TNFSF4: variants seen among roughly 807,000 people sequenced by gnomAD.
TNFSF4 encodes the protein TNF superfamily member 4.
A neutral mutation model predicts 7.3 loss-of-function variants in TNFSF4; 4 were observed. The observed-to-expected ratio is 0.55, with a 90% CI of 0.27 to 1.25. The LOEUF (loss-of-function observed/expected upper bound fraction) is 1.25. Among genes scored for constraint, TNFSF4 ranks in the 50% most tolerant of loss-of-function variants. The pLI is 0.12. For missense variants in TNFSF4, 181 were observed against 208.8 expected (o/e 0.87, Z 0.82); for synonymous variants, 76 against 83.7 (o/e 0.91, Z 0.50).
intron 1 of TNFSF4, among the ~76,000 whole-genome samples, chr1:173,191,499 G>A (rs1442942682): frequency 6.6e-6 from 1 of 152,148 alleles, no homozygotes; most frequent in African/African-American, 2.4e-5. Flanking sequence ...GACTACCCCA[G>A]TGCCCAGAGA....
chr1:173,434,316 T>G, the TNFSF4 span, among the ~76,000 whole-genome samples: 1 of 152,252 alleles, frequency 6.6e-6, no homozygotes, highest in African/African-American at 2.4e-5. Flanking sequence ...AGGTGCTTTT[T>G]TGTCCCTATT....
the TNFSF4 span, among the ~76,000 whole-genome samples, chr1:173,381,875 A>G: frequency 1.3e-5 from 2 of 152,170 alleles, 1 homozygote; most frequent in South Asian, 4.1e-4. Flanking sequence ...TTGTAAATGC[A>G]CCAAGCAGCA....
chr1:173,437,059 G>A, the TNFSF4 span, among the ~76,000 whole-genome samples: 2 of 152,280 alleles, frequency 1.3e-5, no homozygotes, highest in South Asian at 4.2e-4. Context: ...AGGCTCAGGT[G>A]AGCATCACTG....
At chr1:173,395,022 A>AGAT in the TNFSF4 span, among the ~76,000 whole-genome samples, 27 of 129,018 alleles carry the variant, frequency 2.1e-4, no homozygotes, top group African/African-American at 3.1e-4. Flanking sequence ...ATAGATAGAT[A>AGAT]GATAGATAGA....
the TNFSF4 span, among the ~76,000 whole-genome samples, chr1:173,259,015 T>A: frequency 6.6e-6 from 1 of 152,028 alleles, no homozygotes; most frequent in African/African-American, 2.4e-5. Context: ...ATTAAGCAGG[T>A]CCCCGATCCT....
At chr1:173,183,148 G>A (rs537099528), downstream of TNFSF4, among the ~76,000 whole-genome samples, 2 of 152,310 alleles carry the variant, frequency 1.3e-5, no homozygotes, top group East Asian at 3.9e-4. Context: ...AAAGAATAGG[G>A]CTGAGAGTAG....
chr1:173,395,302 T>C, the TNFSF4 span, among the ~76,000 whole-genome samples: 454 of 144,950 alleles, frequency 3.1e-3, 7 homozygotes, highest in African/African-American at 0.011. Context: ...GCAATAGAGA[T>C]ACACAAAATA....
At chr1:173,254,068 A>G in the TNFSF4 span, among the ~76,000 whole-genome samples, 1 of 152,220 alleles carries the variant, frequency 6.6e-6, no homozygotes, top group Non-Finnish European at 1.5e-5. Flanking sequence ...AAGGGGAGCA[A>G]TTTGAACAAA....
the TNFSF4 span, among the ~76,000 whole-genome samples, chr1:173,305,185 C>T: frequency 3.3e-5 from 5 of 151,800 alleles, no homozygotes; most frequent in Non-Finnish European, 7.4e-5. Context: ...TGAAACATGC[C>T]AAAAGGGCAT....
chr1:173,441,126 C>A, the TNFSF4 span, among the ~76,000 whole-genome samples: 1 of 152,184 alleles, frequency 6.6e-6, no homozygotes, highest in Non-Finnish European at 1.5e-5. Flanking sequence ...CAGTTCAACT[C>A]CAACCACCAC....
At chr1:173,226,597 T>C in the TNFSF4 span, among the ~76,000 whole-genome samples, 1 of 152,310 alleles carries the variant, frequency 6.6e-6, no homozygotes, top group Non-Finnish European at 1.5e-5. Context: ...CCTTAGCTTT[T>C]CCCATAATTA....
chr1:173,333,772 G>C, the TNFSF4 span, among the ~76,000 whole-genome samples: 1 of 152,146 alleles, frequency 6.6e-6, no homozygotes, highest in African/African-American at 2.4e-5. Context: ...ACAGTCTATG[G>C]TATTTTGTTA....
chr1:173,418,252 T>C, the TNFSF4 span: 1 of 152,250 alleles, frequency 6.6e-6, no homozygotes, highest in Non-Finnish European at 1.5e-5. Flanking sequence ...CCAATGGATC[T>C]ATGAATGAAC....
At chr1:173,379,117 G>C in the TNFSF4 span, among the ~76,000 whole-genome samples, 8 of 152,136 alleles carry the variant, frequency 5.3e-5, no homozygotes, top group African/African-American at 1.9e-4. Flanking sequence ...GGCCTTTAAT[G>C]AAAAGAATGC....
At chr1:173,199,434 A>G (rs930126880) in intron 1 of TNFSF4, among the ~76,000 whole-genome samples, 1 of 152,186 alleles carries the variant, frequency 6.6e-6, no homozygotes, top group African/African-American at 2.4e-5. Flanking sequence ...GTGTCCTTGA[A>G]GAGAAGGAGA....
At chr1:173,295,571 A>G in the TNFSF4 span, among the ~76,000 whole-genome samples, 1 of 152,020 alleles carries the variant, frequency 6.6e-6, no homozygotes, top group Admixed American at 6.6e-5. Flanking sequence ...AAATTGTGTA[A>G]GCAGAACCAA....
the TNFSF4 span, among the ~76,000 whole-genome samples, chr1:173,295,585 A>G: frequency 6.6e-6 from 1 of 151,964 alleles, no homozygotes; most frequent in Non-Finnish European, 1.5e-5. Context: ...GAACCAATTG[A>G]GATGCCTGTG....
chr1:173,386,539 C>T, the TNFSF4 span, among the ~76,000 whole-genome samples: 32 of 152,274 alleles, frequency 2.1e-4, 1 homozygote, highest in African/African-American at 7.7e-4. Context: ...GGGAGTGGGG[C>T]CACAGCAGAC....
the TNFSF4 span, among the ~76,000 whole-genome samples, chr1:173,345,627 A>T: frequency 6.6e-6 from 1 of 152,236 alleles, no homozygotes; most frequent in African/African-American, 2.4e-5. Flanking sequence ...ATCTGATCAG[A>T]TAGCAAGGGT....
Sources: gnomAD v4.1 joint callset for allele counts (sites outside exome capture counted in the v4.1 genomes callset) on GRCh38, gnomAD v4.1.1 for gene constraint, MANE v1.5 for transcripts, NCBI Gene and HGNC (gene_info 2026-07-23, HGNC 2026-07-21) for gene names.